ARHGAP35: variants seen among roughly 807,000 people sequenced by gnomAD.
The protein encoded by ARHGAP35 is Rho GTPase activating protein 35.
ARHGAP35 carries 15 observed loss-of-function variants against 111.1 expected under a neutral mutation model. That is an observed-to-expected ratio of 0.13 (90% CI 0.09 to 0.21). The LOEUF (loss-of-function observed/expected upper bound fraction) is 0.21. ARHGAP35 is among the 10% of genes least tolerant of loss of function. The probability of loss-of-function intolerance (pLI) is 1.00; values close to 1 mark genes in which losing one functional copy is unlikely to be tolerated. For synonymous variants in ARHGAP35, 643 were observed against 710.3 expected (o/e 0.91, Z 1.51); for missense variants, 1,262 against 1,873.0 (o/e 0.67, Z 6.02).
chr19:46,923,437 G>A (rs2056218195), intron 2 of ARHGAP35, among the ~76,000 whole-genome samples: 1 of 152,020 alleles, frequency 6.6e-6, no homozygotes, highest in African/African-American at 2.4e-5. Flanking sequence ...CTTATCCTGC[G>A]TAGAATTGTA....
rs2056084950 is a variant in ARHGAP35 at position 46,901,833 on chromosome 19, A to G, written c.-188-16655A>G. On this transcript the variant is annotated intron_variant, in intron 1 of 6. Transcript: ENST00000672722. The surrounding 1 kb of genome is among the most constrained non-coding windows in gnomAD (Gnocchi z 4.5). Reference sequence around the variant, plus strand: ...CCTTGAAGAACATCATTGTCCAGTGATCCTGCTGACAGATGAGAGCTGTCA... The same window carrying G: ...CCTTGAAGAACATCATTGTCCAGTGGTCCTGCTGACAGATGAGAGCTGTCA... Among the ~76,000 whole-genome samples the G allele has an allele frequency of 6.6e-6, 1 of 152,134 alleles. No individual in the cohort carries two copies. Among genetic ancestry groups the G allele is most frequent in the African/African-American group, 2.4e-5 (1 of 41,410 alleles).
chr19:46,990,224 A>G (rs1291517694), intron 5 of ARHGAP35, among the ~76,000 whole-genome samples: 1 of 152,138 alleles, frequency 6.6e-6, no homozygotes, highest in Non-Finnish European at 1.5e-5. Context: ...TGGCCAAGTA[A>G]TCATTTGATG....
intron 3 of ARHGAP35, among the ~76,000 whole-genome samples, chr19:46,954,984 A>G (rs2056431398): frequency 6.6e-6 from 1 of 152,228 alleles, no homozygotes; most frequent in Non-Finnish European, 1.5e-5. Flanking sequence ...TCCGTAACCC[A>G]TGAAGCCAGT....
In ARHGAP35 at chr19:46,988,138, T is replaced by A; in HGVS notation, c.3904+72T>A. On this transcript the variant is annotated intron_variant, in intron 4 of 6. Transcript: ENST00000672722. This position sits in a 1 kb window ranked among gnomAD's most constrained non-coding sequence, Gnocchi z 5.4. Reference sequence around the variant, plus strand: ...CAGACACAGCTGCCTCGGTGAACTGTCTGTGGGGCTTCGGAGCACTCCTGC... The same window carrying A: ...CAGACACAGCTGCCTCGGTGAACTGACTGTGGGGCTTCGGAGCACTCCTGC... 1.4e-6 allele frequency: 2 copies of A among 1,450,878 alleles called. No individual in the cohort carries two copies. Among genetic ancestry groups the A allele is most frequent in the Non-Finnish European group, 1.9e-6 (2 of 1,049,026 alleles). The allele number at this position is 1,450,878 out of a possible 1,614,324, so 89.9% of individuals were successfully genotyped here. A position where few individuals can be genotyped will look rare whatever the true frequency, so the allele number is the denominator to read the frequency against.
intron 1 of ARHGAP35, among the ~76,000 whole-genome samples, 183 bp downstream of exon 1, chr19:46,861,392 C>G (rs1163538980): frequency 6.8e-6 from 1 of 148,140 alleles, no homozygotes; most frequent in Non-Finnish European, 1.5e-5. Context: ...CTTCGCGCGT[C>G]GGCCCGGCCC....
chr19:46,909,037 C>T lies in ARHGAP35; in HGVS notation c.-188-9451C>T, dbSNP rs540032252. Among the ~76,000 whole-genome samples, 14 of 151,642 alleles carry T rather than the reference C, an allele frequency of 9.2e-5. No homozygotes were observed. The East Asian group carries it at 1.5e-3, about 17-fold the overall frequency. On this transcript the variant is annotated intron_variant, in intron 1 of 6. Coordinates refer to ENST00000672722, the MANE Select transcript of ARHGAP35 (RefSeq NM_004491.5). ...TTAGAGCCAAGAGTGGTGTGGCTCA[C>T]GCCTGTAATCCCAACACTTTGGGAG...
At chr19:46,998,451 T>A (rs2056727617) in intron 5 of ARHGAP35, among the ~76,000 whole-genome samples, 1 of 152,184 alleles carries the variant, frequency 6.6e-6, no homozygotes, top group African/African-American at 2.4e-5. Flanking sequence ...CTCTGGGACG[T>A]TTGTGCCTCA....
intron 1 of ARHGAP35, among the ~76,000 whole-genome samples, chr19:46,917,174 CT>C (rs1397476194): frequency 6.6e-6 from 1 of 152,188 alleles, no homozygotes; most frequent in African/African-American, 2.4e-5. Flanking sequence ...AACCACTGTT[CT>C]ACTTTCTGTC....
At chr19:46,985,847 T>C (rs1014988482) in intron 3 of ARHGAP35, among the ~76,000 whole-genome samples, 2 of 151,496 alleles carry the variant, frequency 1.3e-5, no homozygotes, top group Non-Finnish European at 2.9e-5. Context: ...AGCCAGAGAA[T>C]TGATGCCTCT....
intron 1 of ARHGAP35, among the ~76,000 whole-genome samples, chr19:46,869,015 C>T (rs2055873726): frequency 6.8e-6 from 1 of 146,438 alleles, no homozygotes; most frequent in South Asian, 2.2e-4. Flanking sequence ...AAGCGATTCT[C>T]CTGCTTCAGC....
At position 46,919,258 on chromosome 19, in the gene ARHGAP35, A is replaced by G; in HGVS notation, c.583A>G (p.Ile195Val). Residue 195 changes from isoleucine (I) to valine (V), a missense_variant, in exon 2 of 7, where the codon ATA (isoleucine) becomes GTA (valine). By Grantham distance (29) the Ile-to-Val change is conservative. This residue lies in a region of ARHGAP35 where 125 missense variants were observed against 301.7 expected (regional missense o/e 0.41). Transcript: ENST00000672722. This position sits in a 1 kb window ranked among gnomAD's most constrained non-coding sequence, Gnocchi z 6.2. Reference protein sequence around the residue: ...YNQLAKTKKPIVVVLTKCDEG... With the variant: ...YNQLAKTKKPVVVVLTKCDEG... ...TCAGCTTGCAAAAACAAAAAAGCCC[A>G]TAGTGGTGGTCCTGACTAAGTGTGA... 2 of 1,613,968 alleles carry G rather than the reference A, an allele frequency of 1.2e-6. No individual in the cohort carries two copies. Among genetic ancestry groups the G allele is most frequent in the Non-Finnish European group, 8.5e-7 (1 of 1,179,902 alleles).
chr19:46,904,815 G>A lies in ARHGAP35; in HGVS notation c.-188-13673G>A, dbSNP rs148912985. ...AGCCATTCTTGCTCAGAAGCCTGTG[G>A]TTCCTCAGAGGATGAAGTCCAGACT... On this transcript the variant is annotated intron_variant, in intron 1 of 6. Transcript: ENST00000672722. 9.2e-5 allele frequency among the ~76,000 whole-genome samples: 14 copies of A among 152,286 alleles called. 1 individual carries two copies. In the East Asian group the frequency reaches 2.7e-3, roughly 29 times the overall value.
At chr19:46,974,225 C>T (rs896065621) in intron 3 of ARHGAP35, among the ~76,000 whole-genome samples, 3 of 152,214 alleles carry the variant, frequency 2.0e-5, no homozygotes, top group Admixed American at 6.5e-5. Flanking sequence ...TCTAGCAATT[C>T]ATTTAATTCT....
Position 46,963,540 on chromosome 19 carries a change from A to G in ARHGAP35, c.3827-24449A>G, listed in dbSNP as rs896756410. Reference sequence around the variant, plus strand: ...AAAGCGTGCCTCTTCTCTGATGACCATCCTTGTTGGAGCTGACTTTGCCGT... The same window carrying G: ...AAAGCGTGCCTCTTCTCTGATGACCGTCCTTGTTGGAGCTGACTTTGCCGT... On this transcript the variant is annotated intron_variant, in intron 3 of 6. Coordinates refer to ENST00000672722, the MANE Select transcript of ARHGAP35 (RefSeq NM_004491.5). Among the ~76,000 whole-genome samples the G allele has an allele frequency of 2.0e-4, 31 of 152,018 alleles. 1 individual carries two copies. Among genetic ancestry groups the G allele is most frequent in the Non-Finnish European group, 1.2e-4 (8 of 68,010 alleles).
At chr19:46,861,263 G>A (rs1247944048) in intron 1 of ARHGAP35, among the ~76,000 whole-genome samples, 54 bp downstream of exon 1, 1 of 151,214 alleles carries the variant, frequency 6.6e-6, no homozygotes, top group Non-Finnish European at 1.5e-5. Flanking sequence ...CCGCCCCGCT[G>A]CGGGGTCCAG....
intron 1 of ARHGAP35, among the ~76,000 whole-genome samples, chr19:46,876,508 G>C (rs944292555): frequency 2.0e-5 from 3 of 151,890 alleles, no homozygotes; most frequent in Admixed American, 1.3e-4. Flanking sequence ...AAGTAGCTGG[G>C]ACTACAGGCA....
intron 2 of ARHGAP35, among the ~76,000 whole-genome samples, chr19:46,933,687 G>A (rs577866154): frequency 1.5e-4 from 23 of 152,250 alleles, no homozygotes; most frequent in African/African-American, 4.8e-4. Context: ...TGGGTGCGGT[G>A]GCTCATGCCT....
intron 1 of ARHGAP35, among the ~76,000 whole-genome samples, chr19:46,884,493 CTTTTTTTTTTTTT>C (rs923415995): frequency 1.8e-5 from 2 of 111,978 alleles, no homozygotes; most frequent in South Asian, 5.6e-4. Context: ...TGATGATATC[CTTTTTTTTTTTTT>C]TTTTTTTTTT....
chr19:46,937,515 G>A, intron 3 of ARHGAP35, 107 bp downstream of exon 3: 8 of 1,275,726 alleles, frequency 6.3e-6, no homozygotes, highest in Non-Finnish European at 8.9e-6. Flanking sequence ...TTGATTGTGA[G>A]ATGCTCTTGG....
Sources: gnomAD v4.1 joint callset for allele counts (sites outside exome capture counted in the v4.1 genomes callset) on GRCh38, gnomAD v4.1.1 for gene constraint, gnomAD v4.1.1 regional missense constraint, Gnocchi (gnomAD v3.1) non-coding constraint, MANE v1.5 for transcripts, NCBI Gene and HGNC (gene_info 2026-07-23, HGNC 2026-07-21) for gene names.